The following KCND2 variants were observed in gnomAD, a reference collection of about 807,000 sequenced individuals.
KCND2 encodes potassium voltage-gated channel subfamily D member 2.
A neutral mutation model predicts 54.4 loss-of-function variants in KCND2; 16 were observed. The ratio of observed to expected loss-of-function variants is 0.29; its 90% CI spans 0.20 to 0.45. KCND2 has a LOEUF of 0.45. Ranked by LOEUF, KCND2 falls within the 20% of genes least tolerant of loss-of-function variation. The pLI is 1.00. For synonymous variants in KCND2, 317 were observed against 310.7 expected (o/e 1.02, Z -0.21); for missense variants, 486 against 824.2 (o/e 0.59, Z 5.02).
At chr7:120,305,781 A>T (rs910447774) in intron 1 of KCND2, among the ~76,000 whole-genome samples, 1 of 152,176 alleles carries the variant, frequency 6.6e-6, no homozygotes, top group Non-Finnish European at 1.5e-5. Context: ...GTAGAATTAC[A>T]GTATTTATAA....
At chr7:120,742,428 T>G in intron 3 of KCND2, 82 bp from the exon 4 acceptor site, 3 of 1,081,358 alleles carry the variant, frequency 2.8e-6, no homozygotes, top group Non-Finnish European at 4.3e-6. Flanking sequence ...ATAGAGCAGA[T>G]CTCTCTGTGG....
intron 1 of KCND2, among the ~76,000 whole-genome samples, chr7:120,729,037 G>A (rs1387462274): frequency 1.3e-5 from 2 of 152,078 alleles, no homozygotes; most frequent in African/African-American, 2.4e-5. Flanking sequence ...TTTCCTCCAC[G>A]GAATTTCAGA....
At chr7:120,621,764 A>G (rs1793102024) in intron 1 of KCND2, among the ~76,000 whole-genome samples, 1 of 152,170 alleles carries the variant, frequency 6.6e-6, no homozygotes, top group African/African-American at 2.4e-5. Flanking sequence ...AAGAAGAGGA[A>G]ACATTGCGCG....
chr7:120,391,172 G>A (rs1801071834), intron 1 of KCND2, among the ~76,000 whole-genome samples: 1 of 152,058 alleles, frequency 6.6e-6, no homozygotes, highest in African/African-American at 2.4e-5. Flanking sequence ...GCAGTGTTTG[G>A]TTTTCTGTTC....
At chr7:120,552,855 C>T (rs1186609451) in intron 1 of KCND2, among the ~76,000 whole-genome samples, 2 of 152,188 alleles carry the variant, frequency 1.3e-5, no homozygotes, top group East Asian at 3.8e-4. Context: ...TTGAATGTTT[C>T]ACTCTTTTGT....
chr7:120,320,154 A>G (rs1306071444), intron 1 of KCND2, among the ~76,000 whole-genome samples: 1 of 152,156 alleles, frequency 6.6e-6, no homozygotes, highest in African/African-American at 2.4e-5. Context: ...TATGTGCCAG[A>G]CACTGGAGAT....
intron 1 of KCND2, among the ~76,000 whole-genome samples, chr7:120,530,075 C>CA (rs1188445059): frequency 1.3e-5 from 2 of 151,448 alleles, no homozygotes; most frequent in African/African-American, 2.4e-5. Flanking sequence ...GACCTTGTCT[C>CA]AAAAAAATAA....
intron 1 of KCND2, among the ~76,000 whole-genome samples, chr7:120,416,800 C>T (rs1801531204): frequency 1.3e-5 from 2 of 149,478 alleles, no homozygotes; most frequent in African/African-American, 4.9e-5. Context: ...AAAGCAAGTA[C>T]TTTAAAAATA....
intron 1 of KCND2, among the ~76,000 whole-genome samples, chr7:120,601,323 A>G (rs1174607713): frequency 6.6e-6 from 1 of 152,158 alleles, no homozygotes; most frequent in Non-Finnish European, 1.5e-5. Flanking sequence ...GAACTCTTAA[A>G]AAACTGGGAA....
intron 1 of KCND2, among the ~76,000 whole-genome samples, chr7:120,646,597 G>A (rs1466453695): frequency 6.6e-6 from 1 of 152,046 alleles, no homozygotes; most frequent in African/African-American, 2.4e-5. Flanking sequence ...TCCACTTTAA[G>A]GTTAGATGAA....
chr7:120,698,968 A>G (rs1351270034), intron 1 of KCND2, among the ~76,000 whole-genome samples: 1 of 152,186 alleles, frequency 6.6e-6, no homozygotes, highest in Non-Finnish European at 1.5e-5. Context: ...GGAGATGATT[A>G]AAGTCTAGCA....
At position 120,595,349 on chromosome 7, in the gene KCND2, G is replaced by A. The variant is rs189305292; in HGVS notation, c.1116-137554G>A. ...ACCTGTACTCCCAGCTACTCAGGAG[G>A]CTGAGACATGAGAATCACTTGAACC... On this transcript the variant is annotated intron_variant, in intron 1 of 5. Transcript: ENST00000331113. Among the ~76,000 whole-genome samples, 668 of 151,058 alleles carry A rather than the reference G, an allele frequency of 4.4e-3. 5 individuals are homozygous for A. Among genetic ancestry groups the A allele is most frequent in the Admixed American group, 0.027 (411 of 15,094 alleles).
intron 1 of KCND2, among the ~76,000 whole-genome samples, chr7:120,297,273 A>G (rs1395262912): frequency 2.0e-5 from 3 of 152,050 alleles, no homozygotes; most frequent in East Asian, 3.9e-4. Context: ...ACATGTACAC[A>G]TTACTTAGTT....
chr7:120,488,034 A>C (rs1215386133), intron 1 of KCND2, among the ~76,000 whole-genome samples: 1 of 151,530 alleles, frequency 6.6e-6, no homozygotes. Context: ...ACAAAACAAA[A>C]CAAAAAAAAA....
In KCND2 at chr7:120,455,185, A is replaced by T. The variant is rs528270659; in HGVS notation, c.1115+179438A>T. Among the ~76,000 whole-genome samples, 7 of 152,238 alleles carry T rather than the reference A, an allele frequency of 4.6e-5. No individual in the cohort carries two copies. In the East Asian group the frequency reaches 5.8e-4, roughly 13 times the overall value. ...TCTTCACAGAATTTAGAAAAAAAAA[A>T]TTTTAAAATTTATGTAGAACCAAAA... On this transcript the variant is annotated intron_variant, in intron 1 of 5. Transcript: ENST00000331113.
chr7:120,633,635 A>C (rs1793266319), intron 1 of KCND2, among the ~76,000 whole-genome samples: 1 of 152,200 alleles, frequency 6.6e-6, no homozygotes. Context: ...ACAGATGAGG[A>C]AACTGGGATT....
At chr7:120,448,851 G>A (rs2116212573) in intron 1 of KCND2, among the ~76,000 whole-genome samples, 1 of 152,208 alleles carries the variant, frequency 6.6e-6, no homozygotes, top group African/African-American at 2.4e-5. Flanking sequence ...GGATCTATTT[G>A]ACTTTTTATT....
Position 120,372,475 on chromosome 7 carries a change from C to CCT in KCND2, c.1115+96728_1115+96729insCT, listed in dbSNP as rs1554432446. Reference sequence around the variant, plus strand: ...AAAATCTGAATTCATTTTATTTACTCTGCAAATAATTTACTTCAATACATT... The same window carrying CCT: ...AAAATCTGAATTCATTTTATTTACTCCTTGCAAATAATTTACTTCAATACATT... On this transcript the variant is annotated intron_variant, in intron 1 of 5. Transcript: ENST00000331113. 1.0e-3 allele frequency among the ~76,000 whole-genome samples: 155 copies of CCT among 151,954 alleles called. 1 individual carries two copies. The highest frequency in any genetic ancestry group is 3.6e-3 in the African/African-American group (149 of 41,492).
At chr7:120,448,078 G>C (rs941388476) in intron 1 of KCND2, among the ~76,000 whole-genome samples, 1 of 152,068 alleles carries the variant, frequency 6.6e-6, no homozygotes, top group African/African-American at 2.4e-5. Context: ...TGTGCACAAC[G>C]TGCAGGTTGG....
Sources: gnomAD v4.1 joint callset for allele counts (sites outside exome capture counted in the v4.1 genomes callset) on GRCh38, gnomAD v4.1.1 for gene constraint, MANE v1.5 for transcripts, NCBI Gene and HGNC (gene_info 2026-07-23, HGNC 2026-07-21) for gene names.